LARGE1: variants seen among roughly 807,000 people sequenced by gnomAD.
LARGE1 encodes the protein LARGE xylosyl- and glucuronyltransferase 1, also known as xylosyl- and glucuronyltransferase LARGE1.
In LARGE1, 43 loss-of-function variants were observed where a neutral mutation model predicts 87.6. The ratio of observed to expected loss-of-function variants is 0.49; its 90% CI spans 0.38 to 0.63. The LOEUF is 0.63. Among genes scored for constraint, LARGE1 ranks in the 30% least tolerant of loss-of-function variants. LARGE1 has a pLI of 0.00. For missense variants in LARGE1, 802 were observed against 1,000.2 expected (o/e 0.80, Z 2.67); for synonymous variants, 434 against 394.6 (o/e 1.10, Z -1.18).
At chr22:33,897,997 G>A (rs1202493560) in intron 1 of LARGE1, among the ~76,000 whole-genome samples, 3 of 152,142 alleles carry the variant, frequency 2.0e-5, no homozygotes, top group Non-Finnish European at 4.4e-5. Flanking sequence ...TTCAATGATT[G>A]TAGCAATGAG....
At chr22:33,536,073 T>C (rs2077034309) in intron 6 of LARGE1, among the ~76,000 whole-genome samples, 2 of 152,208 alleles carry the variant, frequency 1.3e-5, no homozygotes. Flanking sequence ...GGCCATCCTC[T>C]TGCAACATCT....
intron 11 of LARGE1, among the ~76,000 whole-genome samples, chr22:33,264,522 G>T (rs1927819191): frequency 6.6e-6 from 1 of 152,128 alleles, no homozygotes; most frequent in African/African-American, 2.4e-5. Flanking sequence ...TAGCCCACTT[G>T]GTGGCACACA....
chr22:33,263,710 T>C (rs1235464035), intron 11 of LARGE1, among the ~76,000 whole-genome samples: 3 of 152,218 alleles, frequency 2.0e-5, no homozygotes, highest in Non-Finnish European at 4.4e-5. Flanking sequence ...TATGAGATAA[T>C]ACATGCGTGC....
At chr22:33,225,793 T>C (rs1299901939) in intron 11 of LARGE1, among the ~76,000 whole-genome samples, 1 of 152,246 alleles carries the variant, frequency 6.6e-6, no homozygotes, top group Non-Finnish European at 1.5e-5. Flanking sequence ...CTCTCACTTA[T>C]AAATGATAAC....
At chr22:33,839,199 A>C (rs1481158164) in intron 1 of LARGE1, among the ~76,000 whole-genome samples, 2 of 152,260 alleles carry the variant, frequency 1.3e-5, no homozygotes, top group Non-Finnish European at 2.9e-5. Context: ...CAGGAAACTT[A>C]CAATCATGGT....
At chr22:33,534,376 C>T (rs924217197) in intron 6 of LARGE1, among the ~76,000 whole-genome samples, 2 of 151,724 alleles carry the variant, frequency 1.3e-5, no homozygotes, top group Admixed American at 6.6e-5. Context: ...TGCACTCCAA[C>T]CTGGGCGACA....
chr22:33,240,093 G>A (rs1395706281), intron 11 of LARGE1, among the ~76,000 whole-genome samples: 2 of 152,180 alleles, frequency 1.3e-5, no homozygotes, highest in African/African-American at 4.8e-5. Flanking sequence ...CATAATGGTT[G>A]TATAAATTTT....
intron 1 of LARGE1, among the ~76,000 whole-genome samples, chr22:33,813,425 A>G (rs1332732449): frequency 6.6e-6 from 1 of 152,044 alleles, no homozygotes; most frequent in African/African-American, 2.4e-5. Flanking sequence ...TAGTTCCAGC[A>G]ATGTCCCACA....
intron 5 of LARGE1, among the ~76,000 whole-genome samples, chr22:33,565,907 T>C (rs2078012117): frequency 6.6e-6 from 1 of 152,226 alleles, no homozygotes. Flanking sequence ...AGCTCTCATC[T>C]ATGCACAGTC....
At chr22:33,636,842 TA>T (rs2080282933) in intron 3 of LARGE1, among the ~76,000 whole-genome samples, 1 of 152,150 alleles carries the variant, frequency 6.6e-6, no homozygotes, top group Non-Finnish European at 1.5e-5. Context: ...CCATGTCAAC[TA>T]ACTGTTGGGC....
chr22:33,427,994 G>A (rs554571082), intron 7 of LARGE1, among the ~76,000 whole-genome samples: 103 of 152,300 alleles, frequency 6.8e-4, no homozygotes, highest in Middle Eastern at 3.4e-3. Flanking sequence ...TTTTCCTAAT[G>A]TGATATAAAA....
chr22:33,881,855 G>A (rs1001756671), intron 1 of LARGE1, among the ~76,000 whole-genome samples: 8 of 152,060 alleles, frequency 5.3e-5, no homozygotes, highest in Admixed American at 2.6e-4. Context: ...TGGCACATGG[G>A]GCAGGTTCTC....
rs531570009 is a variant in LARGE1 at position 33,468,452 on chromosome 22, T to A, written c.788-36187A>T. 2.8e-4 allele frequency among the ~76,000 whole-genome samples: 42 copies of A among 152,192 alleles called. No homozygotes were observed. In the South Asian group the frequency reaches 8.7e-3, roughly 32 times the overall value. On this transcript the variant is annotated intron_variant, in intron 6 of 14. Transcript: ENST00000397394. Reference sequence around the variant, plus strand: ...TCCCATCTCCTTTTAAAAACACAAATAAACAAACCCCAACATCTAATTTTT... The same window carrying A: ...TCCCATCTCCTTTTAAAAACACAAAAAAACAAACCCCAACATCTAATTTTT...
intron 1 of LARGE1, among the ~76,000 whole-genome samples, chr22:33,817,071 CAT>C (rs569922456): frequency 4.0e-4 from 61 of 152,226 alleles, no homozygotes; most frequent in African/African-American, 8.2e-4. Context: ...TACATACACA[CAT>C]GTGTATACGT....
chr22:33,354,386 A>G (rs1187048087), intron 9 of LARGE1, among the ~76,000 whole-genome samples: 1 of 152,222 alleles, frequency 6.6e-6, no homozygotes, highest in African/African-American at 2.4e-5. Flanking sequence ...CTTAAGGTTG[A>G]TAAGTTCTTG....
At chr22:33,867,202 G>A (rs1161072849) in intron 1 of LARGE1, among the ~76,000 whole-genome samples, 4 of 152,180 alleles carry the variant, frequency 2.6e-5, no homozygotes, top group South Asian at 2.1e-4. Context: ...GCTGTTGCCA[G>A]GTGACACTCA....
intron 2 of LARGE1, among the ~76,000 whole-genome samples, chr22:33,710,860 G>A (rs2082711745): frequency 6.6e-6 from 1 of 152,186 alleles, no homozygotes; most frequent in Admixed American, 6.5e-5. Context: ...AGGGGCATTA[G>A]AGTACACGAT....
intron 2 of LARGE1, among the ~76,000 whole-genome samples, chr22:33,689,145 GTCTCTCTC>G (rs3072287): frequency 1.3e-4 from 19 of 147,510 alleles, no homozygotes; most frequent in Admixed American, 4.7e-4. Context: ...CAAATTTACT[GTCTCTCTC>G]TCTCTCTCTC....
At chr22:33,070,324 T>C in the LARGE1 span, among the ~76,000 whole-genome samples, 1 of 152,238 alleles carries the variant, frequency 6.6e-6, no homozygotes, top group Non-Finnish European at 1.5e-5. Flanking sequence ...TACTGTGCTA[T>C]GTATAGAACA....
Sources: allele counts gnomAD v4.1 joint callset (sites outside exome capture counted in the v4.1 genomes callset), GRCh38; gene constraint gnomAD v4.1.1; transcripts MANE v1.5; gene names NCBI Gene and HGNC (gene_info 2026-07-23, HGNC 2026-07-21).